The following RARB variants were observed in gnomAD, a reference collection of about 807,000 sequenced individuals.
The protein encoded by RARB is retinoic acid receptor beta, also known as HBV-activated protein.
Under a neutral mutation model 51.9 loss-of-function variants are expected in RARB, and 17 were observed. The observed-to-expected ratio is 0.33, with a 90% CI of 0.22 to 0.49. The LOEUF (loss-of-function observed/expected upper bound fraction) is 0.49. Among genes scored for constraint, RARB ranks in the 20% least tolerant of loss-of-function variants. The probability of loss-of-function intolerance (pLI) is 0.99; values close to 1 mark genes in which losing one functional copy is unlikely to be tolerated. For synonymous variants in RARB, 215 were observed against 195.4 expected (o/e 1.10, Z -0.84); for missense variants, 369 against 550.8 (o/e 0.67, Z 3.30).
At chr3:25,392,083 G>A (rs1326406002) in intron 5 of RARB, among the ~76,000 whole-genome samples, 1 of 152,140 alleles carries the variant, frequency 6.6e-6, no homozygotes, top group African/African-American at 2.4e-5. Context: ...TGAGAGATCA[G>A]GATCCAGTTT....
intron 3 of RARB, among the ~76,000 whole-genome samples, chr3:25,527,657 C>G (rs573331473): frequency 8.3e-4 from 126 of 152,260 alleles, no homozygotes; most frequent in Non-Finnish European, 1.5e-3. Context: ...CAAAGGACAA[C>G]TAGTATACCC....
At chr3:24,969,811 G>A (rs927780031) in intron 2 of RARB, among the ~76,000 whole-genome samples, 1 of 152,074 alleles carries the variant, frequency 6.6e-6, no homozygotes, top group Non-Finnish European at 1.5e-5. Context: ...AGAGTGGTGT[G>A]TCCATTTACA....
chr3:25,257,214 T>C (rs1236415348), intron 5 of RARB, among the ~76,000 whole-genome samples: 2 of 152,040 alleles, frequency 1.3e-5, no homozygotes, highest in African/African-American at 2.4e-5. Context: ...TGAATGCAGA[T>C]CAAAGATTGT....
rs535589367 is a variant in RARB, at chr3:25,052,826, G to A, written c.-379-7299G>A. Among the ~76,000 whole-genome samples the A allele has an allele frequency of 5.3e-4, 81 of 151,938 alleles. 1 individual carries two copies. The highest frequency in any genetic ancestry group is 9.4e-4 in the Non-Finnish European group (64 of 67,966). On this transcript the variant is annotated intron_variant, in intron 2 of 11. Coordinates refer to the RARB transcript ENST00000383772. ...ACGTATGTGACTTCTTGGGTATGAC[G>A]AGAGAAGAGAAGCCAGGAGTAGTAA... is the stretch of plus-strand genomic sequence containing the variant.
chr3:25,249,149 T>C (rs1041981346), intron 5 of RARB, among the ~76,000 whole-genome samples: 19 of 152,152 alleles, frequency 1.2e-4, no homozygotes, highest in African/African-American at 4.6e-4. Context: ...TTAAAATTTT[T>C]ATCTGGTTTA....
chr3:25,149,987 A>T (rs1165616827), intron 4 of RARB, among the ~76,000 whole-genome samples: 2 of 152,108 alleles, frequency 1.3e-5, no homozygotes, highest in Admixed American at 1.3e-4. Flanking sequence ...GGATCACCTG[A>T]GGTCAGGAGT....
At chr3:25,070,808 A>C (rs1162038257) in intron 3 of RARB, among the ~76,000 whole-genome samples, 1 of 152,230 alleles carries the variant, frequency 6.6e-6, no homozygotes. Flanking sequence ...CATCTGAAGA[A>C]TATGATTAAA....
chr3:25,088,622 A>G (rs1699144104), intron 3 of RARB, among the ~76,000 whole-genome samples: 2 of 152,176 alleles, frequency 1.3e-5, no homozygotes, highest in African/African-American at 4.8e-5. Context: ...AGTAAAGAAA[A>G]CAAAAGTCAG....
At chr3:25,377,279 C>T (rs1232050970) in intron 5 of RARB, among the ~76,000 whole-genome samples, 1 of 152,070 alleles carries the variant, frequency 6.6e-6, no homozygotes, top group Non-Finnish European at 1.5e-5. Flanking sequence ...GGCTGAATAC[C>T]AACCCATATT....
rs191800044 is a variant in RARB, at chr3:25,337,182, A to G, written c.179-124011A>G. Among the ~76,000 whole-genome samples, 4 of 152,122 alleles carry G rather than the reference A, an allele frequency of 2.6e-5. No individual in the cohort carries two copies. In the South Asian group the frequency reaches 6.2e-4, roughly 24 times the overall value. On this transcript the variant is annotated intron_variant, in intron 5 of 11. Transcript: ENST00000383772. ...TTGCTCATCTATGGATATGTCAACCACTATTACCACCATCCTTTTTCTTAC... is the reference window on the plus strand; with the variant it reads ...TTGCTCATCTATGGATATGTCAACCGCTATTACCACCATCCTTTTTCTTAC...
intron 5 of RARB, among the ~76,000 whole-genome samples, chr3:25,593,157 T>G (rs1701677510): frequency 1.3e-5 from 2 of 151,876 alleles, no homozygotes; most frequent in South Asian, 4.1e-4. Context: ...AAATAGAATC[T>G]TATTCATCTT....
chr3:25,006,309 G>C (rs1697271140), intron 2 of RARB, among the ~76,000 whole-genome samples: 1 of 152,074 alleles, frequency 6.6e-6, no homozygotes, highest in Non-Finnish European at 1.5e-5. Flanking sequence ...ATACTTGTTA[G>C]TGTACCTTGT....
At chr3:25,355,223 C>A (rs1271101071) in intron 5 of RARB, among the ~76,000 whole-genome samples, 2 of 152,072 alleles carry the variant, frequency 1.3e-5, no homozygotes, top group African/African-American at 2.4e-5. Context: ...GTGGGGACAT[C>A]CTGTCAGAAT....
intron 5 of RARB, among the ~76,000 whole-genome samples, chr3:25,263,842 T>C (rs1703062015): frequency 6.6e-6 from 1 of 152,206 alleles, no homozygotes; most frequent in Non-Finnish European, 1.5e-5. Flanking sequence ...GGGGACACAC[T>C]GATCGCCTCC....
At chr3:25,001,984 T>C (rs1417102236) in intron 2 of RARB, among the ~76,000 whole-genome samples, 1 of 152,092 alleles carries the variant, frequency 6.6e-6, no homozygotes, top group African/African-American at 2.4e-5. Context: ...TTGCCCAGGC[T>C]GGTCTCAAAC....
chr3:25,295,034 C>T (rs996157860), intron 5 of RARB, among the ~76,000 whole-genome samples: 1 of 152,094 alleles, frequency 6.6e-6, no homozygotes, highest in African/African-American at 2.4e-5. Context: ...TCCATTTTCC[C>T]AAAAGAGTAA....
At chr3:25,052,232 A>T (rs1446247207) in intron 2 of RARB, among the ~76,000 whole-genome samples, 3 of 152,200 alleles carry the variant, frequency 2.0e-5, no homozygotes, top group Admixed American at 6.5e-5. Context: ...TATTATCACA[A>T]TATGTGACAG....
intron 5 of RARB, among the ~76,000 whole-genome samples, chr3:25,203,717 T>C (rs1229411993): frequency 6.6e-6 from 1 of 152,182 alleles, no homozygotes; most frequent in Non-Finnish European, 1.5e-5. Flanking sequence ...ATATGAAATT[T>C]TGGATTGAAA....
At chr3:25,286,191 C>CAT (rs1703649960) in intron 5 of RARB, among the ~76,000 whole-genome samples, 2 of 146,018 alleles carry the variant, frequency 1.4e-5, no homozygotes, top group South Asian at 4.3e-4. Context: ...CGGGTTCACG[C>CAT]CATTCTCCTG....
Sources: allele counts gnomAD v4.1 joint callset (sites outside exome capture counted in the v4.1 genomes callset), GRCh38; gene constraint gnomAD v4.1.1; transcripts MANE v1.5; gene names NCBI Gene and HGNC (gene_info 2026-07-23, HGNC 2026-07-21).